Variants in ESRRB observed in about 807,000 individuals in gnomAD.
The protein encoded by ESRRB is estrogen related receptor beta.
In ESRRB, 16 loss-of-function variants were observed where a neutral mutation model predicts 46.0. The observed-to-expected ratio is 0.35, with a 90% CI of 0.24 to 0.53. The LOEUF (loss-of-function observed/expected upper bound fraction) is 0.53. Among genes scored for constraint, ESRRB ranks in the 20% least tolerant of loss-of-function variants. The pLI is 0.93. For missense variants in ESRRB, 488 were observed against 607.4 expected, an observed-to-expected ratio of 0.80 and a Z score of 2.07; for synonymous variants, 246 against 259.6, an observed-to-expected ratio of 0.95 and a Z score of 0.50.
chr14:76,325,936 C>T (rs780489281), intron 1 of ESRRB, among the ~76,000 whole-genome samples: 10 of 152,194 alleles, frequency 6.6e-5, no homozygotes, highest in Non-Finnish European at 1.3e-4. Flanking sequence ...TGCTGCACAC[C>T]CACAGGCTGC....
intron 1 of ESRRB, among the ~76,000 whole-genome samples, chr14:76,391,780 T>A (rs1028942222): frequency 6.6e-6 from 1 of 152,216 alleles, no homozygotes; most frequent in Non-Finnish European, 1.5e-5. Context: ...CCTGTTCAGT[T>A]GTACAGGTTG....
chr14:76,391,448 A>G (rs1485969013), intron 1 of ESRRB, among the ~76,000 whole-genome samples: 2 of 152,254 alleles, frequency 1.3e-5, no homozygotes, highest in Non-Finnish European at 2.9e-5. Flanking sequence ...GACCGCTGGC[A>G]ATGCGTACAT....
At chr14:76,384,360 C>T (rs1885132965) in intron 1 of ESRRB, among the ~76,000 whole-genome samples, 1 of 152,130 alleles carries the variant, frequency 6.6e-6, no homozygotes, top group African/African-American at 2.4e-5. Context: ...AAGCAATTCT[C>T]GTAACCATTT....
chr14:76,371,940 G>T (rs1452518769), upstream of ESRRB, among the ~76,000 whole-genome samples: 1 of 152,194 alleles, frequency 6.6e-6, no homozygotes, highest in African/African-American at 2.4e-5. Flanking sequence ...ACTGCTTGCT[G>T]CTGCCTCATT....
intron 1 of ESRRB, among the ~76,000 whole-genome samples, chr14:76,431,025 G>C (rs143941015): frequency 2.6e-5 from 4 of 152,342 alleles, no homozygotes; most frequent in African/African-American, 9.6e-5. Flanking sequence ...GGCCGGGCCT[G>C]ATGGCTCATG....
chr14:76,369,021 G>C (rs1272712577), upstream of ESRRB, among the ~76,000 whole-genome samples: 5 of 151,804 alleles, frequency 3.3e-5, no homozygotes, highest in Admixed American at 3.3e-4. Flanking sequence ...ACATGGTGAA[G>C]TCCCGTCTCT....
At chr14:76,364,800 G>C (rs966815335) in intron 1 of ESRRB, among the ~76,000 whole-genome samples, 1 of 152,142 alleles carries the variant, frequency 6.6e-6, no homozygotes, top group Non-Finnish European at 1.5e-5. Context: ...CTGGGGTAAA[G>C]GAAGGGTAGC....
chr14:76,335,288 T>G (rs1884113149), intron 1 of ESRRB, among the ~76,000 whole-genome samples: 1 of 152,156 alleles, frequency 6.6e-6, no homozygotes, highest in South Asian at 2.1e-4. Context: ...ACCAACCCTC[T>G]GTTCATCCAC....
chr14:76,407,729 A>ATGTGG, intron 1 of ESRRB: 1 of 309,928 alleles, frequency 3.2e-6, no homozygotes, highest in Non-Finnish European at 4.7e-6. Flanking sequence ...GAGGGCAGAA[A>ATGTGG]TACCACATTA....
chr14:76,335,752 G>A (rs1013003788), intron 1 of ESRRB, among the ~76,000 whole-genome samples: 1 of 152,144 alleles, frequency 6.6e-6, no homozygotes, highest in Non-Finnish European at 1.5e-5. Flanking sequence ...TGATTCCTAA[G>A]TTGGACTTTT....
intron 1 of ESRRB, among the ~76,000 whole-genome samples, chr14:76,397,973 T>A (rs908792351): frequency 2.6e-5 from 4 of 152,210 alleles, no homozygotes; most frequent in Non-Finnish European, 5.9e-5. Flanking sequence ...AATAAACCCC[T>A]TTGTTTCATA....
intron 3 of ESRRB, among the ~76,000 whole-genome samples, chr14:76,475,612 A>T (rs1472471512): frequency 6.6e-6 from 1 of 152,208 alleles, no homozygotes; most frequent in African/African-American, 2.4e-5. Flanking sequence ...ATTATGCTGC[A>T]GTGAACATTG....
intron 6 of ESRRB, among the ~76,000 whole-genome samples, chr14:76,497,181 A>G (rs947342412): frequency 9.2e-5 from 14 of 151,980 alleles, no homozygotes; most frequent in African/African-American, 3.4e-4. Context: ...GCCTTGCTTC[A>G]TCTCCCACCT....
intron 5 of ESRRB, among the ~76,000 whole-genome samples, chr14:76,490,978 A>T (rs543666671): frequency 1.4e-4 from 21 of 152,256 alleles, no homozygotes; most frequent in African/African-American, 5.1e-4. Flanking sequence ...CTGAGACTGC[A>T]TCAAGGATCA....
At chr14:76,322,143 C>A (rs1019422417) in intron 1 of ESRRB, among the ~76,000 whole-genome samples, 3 of 151,978 alleles carry the variant, frequency 2.0e-5, no homozygotes, top group African/African-American at 7.3e-5. Context: ...TTTGAGAGTC[C>A]CCCTTCACAG....
chr14:76,445,011 A>T (rs988046618), intron 2 of ESRRB, among the ~76,000 whole-genome samples: 9 of 151,636 alleles, frequency 5.9e-5, no homozygotes, highest in East Asian at 1.9e-4. Flanking sequence ...TCTACAATAA[A>T]TTTTTTAAAA....
intron 1 of ESRRB, among the ~76,000 whole-genome samples, chr14:76,337,943 C>T (rs1884146982): frequency 2.0e-5 from 3 of 152,184 alleles, no homozygotes; most frequent in South Asian, 4.1e-4. Context: ...AAGCTTACAT[C>T]GCCTCCTCCT....
rs144715389 is a variant in ESRRB, at chr14:76,484,970, T to C, written c.850+2211T>C. Among the ~76,000 whole-genome samples the C allele has an allele frequency of 2.6e-4, 39 of 152,346 alleles. No homozygotes were observed. In the East Asian group the frequency reaches 7.1e-3, roughly 28 times the overall value. On this transcript the variant is annotated intron_variant, in intron 5 of 6. Coordinates refer to ENST00000644823, the MANE Select transcript of ESRRB (RefSeq NM_001379180.1). ...GCAGAGACGCTTACCAGCGCTGTTG[T>C]AGTTGCTAATAGTAATAAAAGCCTC...
At chr14:76,447,189 C>A (rs1888182838) in intron 2 of ESRRB, among the ~76,000 whole-genome samples, 1 of 151,870 alleles carries the variant, frequency 6.6e-6, no homozygotes, top group Non-Finnish European at 1.5e-5. Flanking sequence ...CCTCCTGAGA[C>A]CCTCTCGGCT....
Sources: allele counts gnomAD v4.1 joint callset (sites outside exome capture counted in the v4.1 genomes callset), GRCh38; gene constraint gnomAD v4.1.1; transcripts MANE v1.5; gene names NCBI Gene and HGNC (gene_info 2026-07-23, HGNC 2026-07-21).